Variants in ZNF827 observed in about 807,000 individuals in gnomAD.
ZNF827 encodes zinc finger protein 827.
ZNF827 carries 13 observed loss-of-function variants against 102.4 expected under a neutral mutation model. The observed-to-expected ratio is 0.13, with a 90% CI of 0.08 to 0.20. The LOEUF (loss-of-function observed/expected upper bound fraction) is 0.20. ZNF827 is among the 10% of genes least tolerant of loss of function. ZNF827 has a pLI of 1.00. For missense variants in ZNF827, 1,103 were observed against 1,344.4 expected (o/e 0.82, Z 2.81); for synonymous variants, 523 against 536.2 (o/e 0.98, Z 0.34).
intron 5 of ZNF827, 89 bp from the exon 6 acceptor site, chr4:145,849,650 A>C: frequency 6.4e-7 from 1 of 1,574,288 alleles, no homozygotes; most frequent in Non-Finnish European, 8.6e-7. Flanking sequence ...GAAAACCATA[A>C]AGATTGTGGC....
Position 145,765,410 on chromosome 4 carries a change from C to G in ZNF827, c.3052+137G>C, listed in dbSNP as rs142093951. ...CAAATTAAGCCAAAAGAAATACAAC[C>G]TTTAGGTGAGGCCCAGCATACTGCA... On this transcript the variant is annotated intron_variant, in intron 12 of 14. Transcript: ENST00000508784. This position sits in a 1 kb window ranked among gnomAD's most constrained non-coding sequence, Gnocchi z 4.7. 5.2e-5 allele frequency: 59 copies of G among 1,143,180 alleles called. No individual in the cohort carries two copies. Among genetic ancestry groups the G allele is most frequent in the South Asian group, 1.8e-4 (11 of 60,316 alleles). 70.8% of individuals were successfully genotyped at this position (1,143,180 alleles called of 1,614,324 possible).
chr4:145,846,386 G>A (rs895231306), intron 6 of ZNF827, among the ~76,000 whole-genome samples: 2 of 152,174 alleles, frequency 1.3e-5, no homozygotes, highest in Non-Finnish European at 1.5e-5. Flanking sequence ...GCTGAGGCAG[G>A]AGAATGGCGT....
At chr4:145,921,932 A>G (rs1753097819) in intron 1 of ZNF827, among the ~76,000 whole-genome samples, 1 of 152,240 alleles carries the variant, frequency 6.6e-6, no homozygotes, top group African/African-American at 2.4e-5. Flanking sequence ...AAACTGATAC[A>G]TACATATTTA....
At chr4:145,847,287 CAT>C (rs1196276763) in intron 6 of ZNF827, among the ~76,000 whole-genome samples, 7 of 152,184 alleles carry the variant, frequency 4.6e-5, no homozygotes, top group East Asian at 1.9e-4. Flanking sequence ...TGCACACACA[CAT>C]AGAGTTATGG....
chr4:145,846,049 G>C (rs1354938193), intron 6 of ZNF827, 36 bp from the exon 7 acceptor site: 1 of 1,607,106 alleles, frequency 6.2e-7, no homozygotes, highest in Admixed American at 1.7e-5. Flanking sequence ...CACCTCTTAG[G>C]TTGTTCTCAC....
intron 5 of ZNF827, 136 bp from the exon 6 acceptor site, chr4:145,849,697 C>T (rs1746335398): frequency 2.2e-6 from 3 of 1,363,808 alleles, no homozygotes; most frequent in East Asian, 4.6e-5. Context: ...GCACACTGGA[C>T]CATAGTTTGA....
chr4:145,862,656 C>T (rs1747842987), intron 5 of ZNF827, among the ~76,000 whole-genome samples: 1 of 152,144 alleles, frequency 6.6e-6, no homozygotes, highest in Admixed American at 6.5e-5. Flanking sequence ...TATTCTTTGC[C>T]ATCAGACATA....
At chr4:145,842,085 C>T (rs1425181647) in intron 7 of ZNF827, among the ~76,000 whole-genome samples, 1 of 152,088 alleles carries the variant, frequency 6.6e-6, no homozygotes, top group Non-Finnish European at 1.5e-5. Context: ...ACAGATACTT[C>T]TGTATATGTT....
At chr4:145,770,295 T>C (rs1490775908) in intron 11 of ZNF827, among the ~76,000 whole-genome samples, 1 of 144,830 alleles carries the variant, frequency 6.9e-6, no homozygotes, top group Admixed American at 6.9e-5. Flanking sequence ...TGAGACCCTG[T>C]CTTAAAATAA....
chr4:145,794,579 C>A (rs965651011), intron 8 of ZNF827, among the ~76,000 whole-genome samples: 2 of 149,926 alleles, frequency 1.3e-5, no homozygotes, highest in East Asian at 2.0e-4. Flanking sequence ...CCCAGCTACT[C>A]AGAAAGCTGA....
intron 8 of ZNF827, among the ~76,000 whole-genome samples, chr4:145,807,662 G>C (rs996888948): frequency 6.6e-6 from 1 of 151,526 alleles, no homozygotes; most frequent in Non-Finnish European, 1.5e-5. Context: ...AGTAGAGATG[G>C]GGTTTCACCA....
Position 145,765,513 on chromosome 4 carries a change from G to A in ZNF827, c.3052+34C>T, listed in dbSNP as rs1046269280. 1 of 1,581,592 alleles carries A rather than the reference G, an allele frequency of 6.3e-7. No individual in the cohort carries two copies. The highest frequency in any genetic ancestry group is 8.6e-7 in the Non-Finnish European group (1 of 1,164,726). ...AAGAATGGGTCATCCTGGGTGCGGA[G>A]GGTTGAGCAGGCTCACACCCACCTC... On this transcript the variant is annotated intron_variant, in intron 12 of 14. Coordinates refer to ENST00000508784, the MANE Select transcript of ZNF827 (RefSeq NM_001306215.2). This position sits in a 1 kb window ranked among gnomAD's most constrained non-coding sequence, Gnocchi z 4.7.
At chr4:145,922,961 G>T (rs1200687389) in intron 1 of ZNF827, among the ~76,000 whole-genome samples, 1 of 152,160 alleles carries the variant, frequency 6.6e-6, no homozygotes, top group Non-Finnish European at 1.5e-5. Flanking sequence ...ACACCTTTCA[G>T]ATAACATCAG....
intron 4 of ZNF827, among the ~76,000 whole-genome samples, chr4:145,871,074 T>C (rs762406360): frequency 6.6e-6 from 1 of 152,130 alleles, no homozygotes; most frequent in Non-Finnish European, 1.5e-5. Context: ...TCCATGTCTG[T>C]AGCCCAAGTC....
At chr4:145,767,863 C>T (rs1735550118) in intron 11 of ZNF827, among the ~76,000 whole-genome samples, 1 of 151,706 alleles carries the variant, frequency 6.6e-6, no homozygotes, top group South Asian at 2.1e-4. Context: ...TGTTCAAAGC[C>T]CAGGCAGAAG....
At position 145,760,916 on chromosome 4, in the gene ZNF827, T is replaced by C; in HGVS notation, c.*700A>G. ...AAGTGGTTCTTGGGGTATAACATTG[T>C]CAAGGGAATGAGATGGGCAAAATCT... On this transcript the variant is annotated 3_prime_UTR_variant, in exon 15 of 15. Transcript: ENST00000508784. 1 of 1,233,806 alleles carries C rather than the reference T, an allele frequency of 8.1e-7. No homozygotes were observed. The highest frequency in any genetic ancestry group is 1.0e-6 in the Non-Finnish European group (1 of 963,218). 76.4% of individuals were successfully genotyped at this position (1,233,806 alleles called of 1,614,324 possible).
At chr4:145,865,454 G>A (rs1197372950) in intron 5 of ZNF827, among the ~76,000 whole-genome samples, 3 of 152,084 alleles carry the variant, frequency 2.0e-5, no homozygotes, top group Non-Finnish European at 2.9e-5. Context: ...TGTCAGAATC[G>A]CTAGGAGGGC....
At chr4:145,935,610 A>G (rs1047751869) in intron 1 of ZNF827, among the ~76,000 whole-genome samples, 4 of 152,216 alleles carry the variant, frequency 2.6e-5, no homozygotes, top group African/African-American at 4.8e-5. Flanking sequence ...TCCAAAGGTA[A>G]TTGCTTCTTA....
At chr4:145,778,351 C>G (rs1319502071) in intron 9 of ZNF827, among the ~76,000 whole-genome samples, 1 of 152,214 alleles carries the variant, frequency 6.6e-6, no homozygotes, top group African/African-American at 2.4e-5. Context: ...CCAGGCTGGT[C>G]TCAAACTCCT....
Sources: gnomAD v4.1 joint callset for allele counts (sites outside exome capture counted in the v4.1 genomes callset) on GRCh38, gnomAD v4.1.1 for gene constraint, Gnocchi (gnomAD v3.1) non-coding constraint, MANE v1.5 for transcripts, NCBI Gene and HGNC (gene_info 2026-07-23, HGNC 2026-07-21) for gene names.